Variants in HIGD1C observed in about 807,000 individuals in gnomAD.
The protein encoded by HIGD1C is HIG1 domain family member 1C.
Under a neutral mutation model 13.1 loss-of-function variants are expected in HIGD1C, and 11 were observed. That is an observed-to-expected ratio of 0.84 (90% CI 0.53 to 1.39). The LOEUF is 1.39. HIGD1C is among the 40% of genes most tolerant of loss of function. The pLI, the probability that HIGD1C is intolerant of heterozygous loss-of-function variation, is 0.00. For synonymous variants in HIGD1C, 36 were observed against 37.7 expected (o/e 0.95, Z 0.17); for missense variants, 110 against 112.0 (o/e 0.98, Z 0.08).
upstream of HIGD1C, chr12:50,949,142 T>G (rs1445485058): frequency 6.6e-6 from 1 of 152,596 alleles, no homozygotes; most frequent in Non-Finnish European, 1.5e-5. Flanking sequence ...TGCTTGTAGA[T>G]TTCGGATGCT....
chr12:50,931,668 G>A, the HIGD1C span: 1 of 141,782 alleles, frequency 7.1e-6, no homozygotes, highest in Non-Finnish European at 1.5e-5. Flanking sequence ...CCGAGATCAT[G>A]CCATTGTACT....
At chr12:50,961,102 G>A (rs371018971) in exon 2 of HIGD1C, 1 of 1,613,650 alleles carries the variant, frequency 6.2e-7, no homozygotes, top group Admixed American at 1.7e-5. Flanking sequence ...TGTGACTCTA[G>A]GTAACCCGCT....
At chr12:50,967,352 G>A (rs1384633730) in intron 2 of HIGD1C, among the ~76,000 whole-genome samples, 3 of 152,042 alleles carry the variant, frequency 2.0e-5, no homozygotes, top group African/African-American at 7.2e-5. Context: ...TCCCTATGTT[G>A]CCCAGGCAAG....
chr12:50,957,892 AAAAAC>A (rs1939161206), intron 1 of HIGD1C, among the ~76,000 whole-genome samples: 1 of 151,812 alleles, frequency 6.6e-6, no homozygotes, highest in South Asian at 2.1e-4. Context: ...TCTGAAGAAA[AAAAAC>A]AAAACAAAAA....
At chr12:50,950,670 A>ATTTTTT (rs57553489), upstream of HIGD1C, among the ~76,000 whole-genome samples, 5 of 87,680 alleles carry the variant, frequency 5.7e-5, no homozygotes, top group Non-Finnish European at 8.6e-5. Context: ...TGCCCAGCTA[A>ATTTTTT]TTTTTTTTTT....
chr12:50,933,036 A>G, the HIGD1C span, among the ~76,000 whole-genome samples: 1 of 152,264 alleles, frequency 6.6e-6, no homozygotes, highest in African/African-American at 2.4e-5. Flanking sequence ...ACCAAAGTAC[A>G]AAGTCCTAGG....
At chr12:50,963,856 C>G (rs1939440642) in intron 2 of HIGD1C, among the ~76,000 whole-genome samples, 1 of 152,148 alleles carries the variant, frequency 6.6e-6, no homozygotes, top group African/African-American at 2.4e-5. Context: ...ATAAGCCTAC[C>G]ACTGTCCAGC....
At chr12:50,958,550 G>A (rs1248319770) in intron 1 of HIGD1C, among the ~76,000 whole-genome samples, 1 of 151,496 alleles carries the variant, frequency 6.6e-6, no homozygotes, top group African/African-American at 2.4e-5. Context: ...CAAAGTGCTG[G>A]GATTACAGGC....
chr12:50,963,002 TA>T (rs1415673703), intron 2 of HIGD1C, among the ~76,000 whole-genome samples: 3 of 147,526 alleles, frequency 2.0e-5, no homozygotes, highest in African/African-American at 7.7e-5. Context: ...TATTTGAACT[TA>T]TATAATTATG....
At chr12:50,960,594 G>C (rs940291731) in intron 1 of HIGD1C, among the ~76,000 whole-genome samples, 7 of 152,204 alleles carry the variant, frequency 4.6e-5, no homozygotes, top group African/African-American at 1.7e-4. Context: ...AGTCTTTCCT[G>C]CTTATCTTTC....
chr12:50,942,264 T>C, the HIGD1C span, among the ~76,000 whole-genome samples: 1 of 152,188 alleles, frequency 6.6e-6, no homozygotes, highest in Non-Finnish European at 1.5e-5. Flanking sequence ...CTTCTTACTC[T>C]ATATTTTTTA....
At chr12:50,963,373 A>G (rs1230882853) in intron 2 of HIGD1C, among the ~76,000 whole-genome samples, 2 of 69,780 alleles carry the variant, frequency 2.9e-5, no homozygotes, top group African/African-American at 1.1e-4. Context: ...CCATCTCAAA[A>G]AAAAAAAAAA....
intron 2 of HIGD1C, among the ~76,000 whole-genome samples, chr12:50,966,499 A>T (rs997617152): frequency 1.3e-5 from 2 of 152,170 alleles, no homozygotes; most frequent in Non-Finnish European, 2.9e-5. Context: ...ATGCCAGTAG[A>T]ACTCCTTCCC....
upstream of HIGD1C, among the ~76,000 whole-genome samples, chr12:50,951,236 T>C (rs190617594): frequency 1.9e-4 from 29 of 152,306 alleles, 1 homozygote; most frequent in African/African-American, 6.5e-4. Context: ...AGTGGTGTGC[T>C]AGAGCCCATT....
chr12:50,963,004 T>A (rs993281977), intron 2 of HIGD1C, among the ~76,000 whole-genome samples: 3 of 144,330 alleles, frequency 2.1e-5, no homozygotes, highest in Non-Finnish European at 3.0e-5. Context: ...TTTGAACTTA[T>A]ATAATTATGA....
chr12:50,963,778 C>G (rs986630567), intron 2 of HIGD1C, among the ~76,000 whole-genome samples: 3 of 152,196 alleles, frequency 2.0e-5, no homozygotes, highest in African/African-American at 7.2e-5. Flanking sequence ...CTCTTTTGCA[C>G]TAACCCTGGT....
the HIGD1C span, chr12:50,939,824 C>T: frequency 6.6e-6 from 1 of 152,060 alleles, no homozygotes; most frequent in African/African-American, 2.4e-5. Flanking sequence ...CTTCCTTAAG[C>T]ATTTGTAAGA....
At chr12:50,938,759 G>T in the HIGD1C span, among the ~76,000 whole-genome samples, 5 of 152,186 alleles carry the variant, frequency 3.3e-5, no homozygotes, top group Admixed American at 2.6e-4. Context: ...TGTATAAGTT[G>T]ACCAGGGATG....
chr12:50,954,582 C>T (rs954589233), intron 1 of HIGD1C, among the ~76,000 whole-genome samples: 1 of 152,068 alleles, frequency 6.6e-6, no homozygotes, highest in Admixed American at 6.6e-5. Flanking sequence ...GCTTCTAGGC[C>T]GGGCACGGTG....
Sources: gnomAD v4.1 joint callset for allele counts (sites outside exome capture counted in the v4.1 genomes callset) on GRCh38, gnomAD v4.1.1 for gene constraint, MANE v1.5 for transcripts, NCBI Gene and HGNC (gene_info 2026-07-23, HGNC 2026-07-21) for gene names.